The following DDHD1 variants were observed in gnomAD, a reference collection of about 807,000 sequenced individuals.
DDHD1 encodes phospholipase DDHD1.
A neutral mutation model predicts 96.4 loss-of-function variants in DDHD1; 49 were observed. The ratio of observed to expected loss-of-function variants is 0.51; its 90% CI spans 0.40 to 0.64. The LOEUF (loss-of-function observed/expected upper bound fraction) is 0.64, where lower values mean the gene tolerates loss of function less well. Among genes scored for constraint, DDHD1 ranks in the 30% least tolerant of loss-of-function variants. The pLI is 0.00. For synonymous variants in DDHD1, 442 were observed against 446.5 expected, an observed-to-expected ratio of 0.99 and a Z score of 0.13; for missense variants, 1,106 against 1,161.2, an observed-to-expected ratio of 0.95 and a Z score of 0.69.
At chr14:53,127,743 C>CTTT (rs1889558905) in intron 1 of DDHD1, among the ~76,000 whole-genome samples, 1 of 152,218 alleles carries the variant, frequency 6.6e-6, no homozygotes, top group Non-Finnish European at 1.5e-5. Flanking sequence ...CACACAATGA[C>CTTT]TGGCAAGCTA....
At chr14:53,050,908 C>T (rs1451597034) in intron 12 of DDHD1, among the ~76,000 whole-genome samples, 1 of 151,874 alleles carries the variant, frequency 6.6e-6, no homozygotes, top group African/African-American at 2.4e-5. Flanking sequence ...TTCCTTTCTC[C>T]AACCAAAAAT....
At chr14:53,055,444 C>T (rs929233223) in intron 10 of DDHD1, among the ~76,000 whole-genome samples, 4 of 152,154 alleles carry the variant, frequency 2.6e-5, no homozygotes, top group Non-Finnish European at 5.9e-5. Flanking sequence ...TCTGGTCCAT[C>T]CAGCTATCTT....
chr14:53,127,082 T>C (rs1472663453), intron 1 of DDHD1, among the ~76,000 whole-genome samples: 2 of 152,186 alleles, frequency 1.3e-5, no homozygotes, highest in Non-Finnish European at 2.9e-5. Context: ...CTTGAACATA[T>C]GTTTTTTTAA....
At chr14:53,083,542 T>C (rs990019756) in intron 4 of DDHD1, among the ~76,000 whole-genome samples, 1 of 152,244 alleles carries the variant, frequency 6.6e-6, no homozygotes, top group Non-Finnish European at 1.5e-5. Context: ...TAGTCTGAAC[T>C]AATCATTAGC....
chr14:53,080,636 A>C (rs180719791), intron 4 of DDHD1, among the ~76,000 whole-genome samples: 21 of 150,352 alleles, frequency 1.4e-4, no homozygotes, highest in Admixed American at 1.3e-3. Flanking sequence ...AATTTTCTCT[A>C]TTCCTAAGTT....
At chr14:53,112,046 T>C (rs1888148035) in intron 1 of DDHD1, among the ~76,000 whole-genome samples, 1 of 152,168 alleles carries the variant, frequency 6.6e-6, no homozygotes, top group Non-Finnish European at 1.5e-5. Flanking sequence ...GACCACAGAG[T>C]AGACGTTAAA....
chr14:53,087,948 C>G (rs553028710), intron 4 of DDHD1, among the ~76,000 whole-genome samples: 1 of 152,080 alleles, frequency 6.6e-6, no homozygotes, highest in South Asian at 2.1e-4. Context: ...AGAGAAGAAT[C>G]AAATAGATGC....
rs946318951 is a variant in DDHD1, at chr14:53,153,151, C to A, written c.-53G>T. ...CGGCGCGCGGAGCCGTGACCCCCAG[C>A]GCTTCCGCCACACATTCAACGCCGC... is the stretch of plus-strand genomic sequence containing the variant. On this transcript the variant is annotated 5_prime_UTR_variant, in exon 1 of 13. Coordinates refer to ENST00000673822, the MANE Select transcript of DDHD1 (RefSeq NM_001160148.2). 1 of 1,327,564 alleles carries A rather than the reference C, an allele frequency of 7.5e-7. No homozygotes were observed. Among genetic ancestry groups the A allele is most frequent in the African/African-American group, 1.6e-5 (1 of 64,282 alleles). 82.2% of individuals were successfully genotyped at this position (1,327,564 alleles called of 1,614,324 possible). A position where few individuals can be genotyped will look rare whatever the true frequency, so the allele number is the denominator to read the frequency against.
Position 53,041,058 on chromosome 14 carries a change from G to A in DDHD1, c.*5710C>T, listed in dbSNP as rs1881611390. 2 of 152,138 alleles carry A rather than the reference G, an allele frequency of 1.3e-5. No individual in the cohort carries two copies. Among genetic ancestry groups the A allele is most frequent in the South Asian group, 4.2e-4 (2 of 4,804 alleles). 9.4% of individuals were successfully genotyped at this position (152,138 alleles called of 1,614,324 possible). A position where few individuals can be genotyped will look rare whatever the true frequency, so the allele number is the denominator to read the frequency against. ...AGAGATCAAGCAGGGACCGCAGTGG[G>A]TGTGGGTACAGTCAAGGGAAGGTAT... On this transcript the variant is annotated 3_prime_UTR_variant, in exon 13 of 13. Transcript: ENST00000673822.
chr14:53,052,965 C>T (rs1882732382), intron 11 of DDHD1: 1 of 124,800 alleles, frequency 8.0e-6, no homozygotes, highest in Admixed American at 9.3e-5. Context: ...TTTGAAATTA[C>T]TATGTTAAAC....
chr14:53,052,786 T>C (rs144091941), intron 11 of DDHD1: 2 of 152,074 alleles, frequency 1.3e-5, no homozygotes, highest in African/African-American at 2.4e-5. Flanking sequence ...CATAATTACC[T>C]CATATTGAGT....
At chr14:53,069,634 G>T (rs2139900271) in intron 6 of DDHD1, among the ~76,000 whole-genome samples, 2 of 152,250 alleles carry the variant, frequency 1.3e-5, no homozygotes, top group Middle Eastern at 6.8e-3. Context: ...CAAATCTACA[G>T]TATCTCTAAG....
At chr14:53,079,487 A>G (rs1446743529) in intron 4 of DDHD1, among the ~76,000 whole-genome samples, 1 of 152,156 alleles carries the variant, frequency 6.6e-6, no homozygotes, top group African/African-American at 2.4e-5. Flanking sequence ...TTACTAAAAC[A>G]GTTTTGGTAG....
chr14:53,080,717 C>CTTCCTT lies in DDHD1; in HGVS notation c.1290-6871_1290-6870insAAGGAA, dbSNP rs781757807. The stretch of plus-strand genomic sequence containing the variant: ...ATAATTTCATTTCTTTTCCTTCCCC[C>CTTCCTT]TTTTTTTTTTTTTTTTTTTTGGAGA... On this transcript the variant is annotated intron_variant, in intron 4 of 12. Transcript: ENST00000673822. 1.1e-3 allele frequency among the ~76,000 whole-genome samples: 99 copies of CTTCCTT among 89,498 alleles called. 2 individuals carry two copies. The highest frequency in any genetic ancestry group is 1.7e-3 in the East Asian group (5 of 2,862). 58.7% of individuals were successfully genotyped at this position (89,498 alleles called of 152,430 possible).
chr14:53,089,714 G>T (rs1332042316), intron 4 of DDHD1, among the ~76,000 whole-genome samples: 1 of 152,128 alleles, frequency 6.6e-6, no homozygotes, highest in Non-Finnish European at 1.5e-5. Context: ...ATGGATTAAG[G>T]ACTTAAATGT....
In DDHD1 at chr14:53,045,623, T is replaced by C. The variant is rs1032132095; in HGVS notation, c.*1145A>G. ...ACATGTAACATGAGAACAAGATTTA[T>C]TTACTTACCTCAAGAAGCTAGTACA... On this transcript the variant is annotated 3_prime_UTR_variant, in exon 13 of 13. Transcript: ENST00000673822. 6.6e-6 allele frequency: 1 copy of C among 152,236 alleles called. No individual in the cohort carries two copies. Among genetic ancestry groups the C allele is most frequent in the South Asian group, 2.1e-4 (1 of 4,834 alleles). The allele number at this position is 152,236 out of a possible 1,614,324, so 9.4% of individuals were successfully genotyped here.
rs5808701 is a variant in DDHD1 at position 53,055,606 on chromosome 14, T to TA, written c.2245+53dup. 1,342,919 of 1,557,420 alleles carry TA rather than the reference T, an allele frequency of 0.86. 580,174 individuals carry two copies. The highest frequency in any genetic ancestry group is 0.99 in the East Asian group (43,911 of 44,470). ...TAGAATACTTCTAGTCCCCCAAACT[T>TA]ATGTCTAGGAAAGTGCTTATATGCA... On this transcript the variant is annotated intron_variant, in intron 10 of 12. Coordinates refer to ENST00000673822, the MANE Select transcript of DDHD1 (RefSeq NM_001160148.2).
chr14:53,091,290 GGTAAATAACCT>G (rs1886409582), intron 4 of DDHD1, among the ~76,000 whole-genome samples: 1 of 152,228 alleles, frequency 6.6e-6, no homozygotes, highest in South Asian at 2.1e-4. Flanking sequence ...AAACTAATGA[GGTAAATAACCT>G]GTCTGGTGTG....
At chr14:53,073,370 G>A (rs1884687964) in intron 5 of DDHD1, among the ~76,000 whole-genome samples, 1 of 151,976 alleles carries the variant, frequency 6.6e-6, no homozygotes, top group Non-Finnish European at 1.5e-5. Context: ...AAAGAAAAAT[G>A]TAAGCTCGTA....
Sources: gnomAD v4.1 joint callset for allele counts (sites outside exome capture counted in the v4.1 genomes callset) on GRCh38, gnomAD v4.1.1 for gene constraint, MANE v1.5 for transcripts, NCBI Gene and HGNC (gene_info 2026-07-23, HGNC 2026-07-21) for gene names.